The following SMU1 variants were observed in gnomAD, a reference collection of about 807,000 sequenced individuals.
SMU1 encodes the protein SMU1 DNA replication regulator and spliceosomal factor.
SMU1 carries 2 observed loss-of-function variants against 62.0 expected under a neutral mutation model. The ratio of observed to expected loss-of-function variants is 0.03; its 90% CI spans 0.01 to 0.10. The LOEUF is 0.10. SMU1 is among the 10% of genes least tolerant of loss of function. The pLI, the probability that SMU1 is intolerant of heterozygous loss-of-function variation, is 1.00. For synonymous variants in SMU1, 188 were observed against 212.4 expected, an observed-to-expected ratio of 0.89 and a Z score of 1.00; for missense variants, 227 against 622.1, an observed-to-expected ratio of 0.36 and a Z score of 6.76.
In SMU1 at chr9:33,068,872, G is replaced by C; in HGVS notation, c.453C>G (p.Gly151=). Reference sequence around the variant, plus strand: ...GAGATGGAGGCACCACACTGACTTCGCCAGCTAAGGCCTGGGCAATTGCTG... The same window carrying C: ...GAGATGGAGGCACCACACTGACTTCCCCAGCTAAGGCCTGGGCAATTGCTG... The part of the protein sequence containing the change: ...RRAAIAQALA[G]EVSVVPPSRL... Residue 151 remains glycine (G), a synonymous_variant, in exon 4 of 12, where the codon GGC becomes GGG. Transcript: ENST00000397149. 6.2e-7 allele frequency: 1 copy of C among 1,613,976 alleles called. No individual in the cohort carries two copies. The highest frequency in any genetic ancestry group is 8.5e-7 in the Non-Finnish European group (1 of 1,179,970).
At chr9:33,057,024 GC>G in intron 7 of SMU1, 60 bp from the exon 8 acceptor site, 1 of 1,550,654 alleles carries the variant, frequency 6.4e-7, no homozygotes, top group Non-Finnish European at 8.7e-7. Flanking sequence ...ACTATTAATA[GC>G]CCACAGAGCC....
Position 33,045,068 on chromosome 9 carries a change from G to A in SMU1, c.*2225C>T, listed in dbSNP as rs1219704416. On this transcript the variant is annotated 3_prime_UTR_variant, in exon 12 of 12. Transcript: ENST00000397149. The stretch of plus-strand genomic sequence containing the variant: ...TTTTTAACCATATTCATCACCTGGT[G>A]CCAGCAACAGAAGTGTTCCCTAAAA... 1.3e-5 allele frequency: 2 copies of A among 152,110 alleles called. No individual in the cohort carries two copies. Among genetic ancestry groups the A allele is most frequent in the Admixed American group, 6.5e-5 (1 of 15,274 alleles). The allele number at this position is 152,110 out of a possible 1,614,324, so 9.4% of individuals were successfully genotyped here.
intron 8 of SMU1, among the ~76,000 whole-genome samples, 187 bp downstream of exon 8, chr9:33,056,650 A>C (rs1839307203): frequency 6.6e-6 from 1 of 151,956 alleles, no homozygotes; most frequent in Admixed American, 6.6e-5. Context: ...CTGGGTAAAA[A>C]CTCAAATGAC....
intron 4 of SMU1, among the ~76,000 whole-genome samples, chr9:33,064,066 A>T (rs1452178696): frequency 6.6e-6 from 1 of 151,638 alleles, no homozygotes; most frequent in Non-Finnish European, 1.5e-5. Flanking sequence ...TGATAAAGGT[A>T]TTTGTTGTTT....
In SMU1 at chr9:33,045,057, C is replaced by G. The variant is rs907138600; in HGVS notation, c.*2236G>C. 5 of 152,156 alleles carry G rather than the reference C, an allele frequency of 3.3e-5. No homozygotes were observed. The highest frequency in any genetic ancestry group is 9.7e-5 in the African/African-American group (4 of 41,410). The allele number at this position is 152,156 out of a possible 1,614,324, so 9.4% of individuals were successfully genotyped here. On this transcript the variant is annotated 3_prime_UTR_variant, in exon 12 of 12. Transcript: ENST00000397149. ...AAACGAGTCTTTTTTTAACCATATT[C>G]ATCACCTGGTGCCAGCAACAGAAGT... is the stretch of plus-strand genomic sequence containing the variant.
chr9:33,070,008 C>A (rs571934832), intron 3 of SMU1, among the ~76,000 whole-genome samples: 1 of 151,862 alleles, frequency 6.6e-6, no homozygotes, highest in South Asian at 2.1e-4. Context: ...CACCAGTAAT[C>A]CCAGCTACTT....
intron 6 of SMU1, among the ~76,000 whole-genome samples, chr9:33,059,479 A>C (rs910562448): frequency 1.3e-5 from 2 of 151,206 alleles, no homozygotes; most frequent in Non-Finnish European, 3.0e-5. Flanking sequence ...AATCCCAGCT[A>C]CTCTGGAGGC....
At chr9:33,070,312 C>G (rs1452344683) in intron 3 of SMU1, among the ~76,000 whole-genome samples, 1 of 152,222 alleles carries the variant, frequency 6.6e-6, no homozygotes, top group East Asian at 1.9e-4. Context: ...TAGAGAAATG[C>G]AAATCAAACT....
intron 4 of SMU1, among the ~76,000 whole-genome samples, chr9:33,065,448 TAA>T (rs1159871073): frequency 6.6e-6 from 1 of 151,866 alleles, no homozygotes; most frequent in Non-Finnish European, 1.5e-5. Context: ...AATTAAGGAA[TAA>T]AAAAGATACA....
intron 1 of SMU1, among the ~76,000 whole-genome samples, chr9:33,074,510 T>C (rs1394827675): frequency 6.6e-6 from 1 of 151,944 alleles, no homozygotes; most frequent in Non-Finnish European, 1.5e-5. Flanking sequence ...CCTGGGAAGC[T>C]GGGGTGGGAG....
chr9:33,076,537 C>T lies in SMU1; in HGVS notation c.26+46G>A, dbSNP rs1337099231. ...GTACCCTCCGCCCCACACCCTTAAC[C>T]TCCAGGCCCCCGGCAAGGCGCGAAC... On this transcript the variant is annotated intron_variant, in intron 1 of 11. Coordinates refer to ENST00000397149, the MANE Select transcript of SMU1 (RefSeq NM_018225.3). 5 of 1,612,158 alleles carry T rather than the reference C, an allele frequency of 3.1e-6. No individual in the cohort carries two copies. The African/African-American group carries it at 4.0e-5, about 13-fold the overall frequency.
chr9:33,070,708 A>C (rs1449988670), intron 3 of SMU1, among the ~76,000 whole-genome samples: 2 of 152,246 alleles, frequency 1.3e-5, no homozygotes, highest in African/African-American at 4.8e-5. Flanking sequence ...TAAAAGAATG[A>C]AATCCTGTCA....
chr9:33,046,212 A>C lies in SMU1; in HGVS notation c.*1081T>G, dbSNP rs1587704730. ...TTCTTTGGAACAACAGCACATTTTC[A>C]ATGCCAAACCTTCTCCTACAACATA... On this transcript the variant is annotated 3_prime_UTR_variant, in exon 12 of 12. Coordinates refer to ENST00000397149, the MANE Select transcript of SMU1 (RefSeq NM_018225.3). The C allele has an allele frequency of 1.3e-5, 2 of 152,242 alleles. No individual in the cohort carries two copies. The highest frequency in any genetic ancestry group is 3.8e-4 in the East Asian group (2 of 5,202). The allele number at this position is 152,242 out of a possible 1,614,324, so 9.4% of individuals were successfully genotyped here. A position where few individuals can be genotyped will look rare whatever the true frequency, so the allele number is the denominator to read the frequency against.
At chr9:33,072,966 G>T (rs1839504416) in intron 2 of SMU1, among the ~76,000 whole-genome samples, 3 of 152,044 alleles carry the variant, frequency 2.0e-5, no homozygotes. Flanking sequence ...CTTTGTCCTA[G>T]GTTCTTGGCT....
chr9:33,073,312 G>A (rs933500868), intron 2 of SMU1, among the ~76,000 whole-genome samples: 2 of 151,970 alleles, frequency 1.3e-5, no homozygotes, highest in African/African-American at 4.8e-5. Context: ...GCAGGAGGAA[G>A]GATTGATCCT....
At chr9:33,067,297 C>CAAAAAAAAAAAAA (rs58105257) in intron 4 of SMU1, among the ~76,000 whole-genome samples, 1 of 52,746 alleles carries the variant, frequency 1.9e-5, no homozygotes, top group African/African-American at 1.0e-4. Context: ...TGCTAATGAC[C>CAAAAAAAAAAAAA]AAAAAAAAAA....
rs1021642235 is a variant in SMU1 at position 33,076,551 on chromosome 9, C to G, written c.26+32G>C. The G allele has an allele frequency of 1.9e-6, 3 of 1,613,172 alleles. No individual in the cohort carries two copies. In the African/African-American group the frequency reaches 4.0e-5, roughly 22 times the overall value. On this transcript the variant is annotated intron_variant, in intron 1 of 11. Transcript: ENST00000397149. ...ACACCCTTAACCTCCAGGCCCCCGG[C>G]AAGGCGCGAACATCCCCACCGCAGG...
rs775475727 is a variant in SMU1, at chr9:33,056,918, G to C, written c.914C>G (p.Ala305Gly). The change falls in exon 8 of 12, where the codon GCA (alanine) becomes GGA (glycine). Residue 305 changes from alanine to glycine, a missense_variant. Ala to Gly is a moderately conservative substitution (Grantham distance 60). Around this residue, in one of 5 missense-constraint regions of SMU1, gnomAD observed 98 missense variants for 195.9 expected, o/e 0.50. Transcript: ENST00000397149. ...TAGACAGGTGACACCCTTACTGTGT[G>C]CCCTCTCAAATCTCCTTAAACATTG... ...SGQCLRRFER[A>G]HSKGVTCLSF... The C allele has an allele frequency of 1.2e-6, 2 of 1,613,110 alleles. No homozygotes were observed. The highest frequency in any genetic ancestry group is 1.7e-6 in the Non-Finnish European group (2 of 1,179,620).
At chr9:33,068,551 C>A (rs561779085) in intron 4 of SMU1, among the ~76,000 whole-genome samples, 1 of 152,164 alleles carries the variant, frequency 6.6e-6, no homozygotes, top group South Asian at 2.1e-4. Context: ...CTCTGTTGCC[C>A]AAGCTGGAGT....
Sources: allele counts gnomAD v4.1 joint callset (sites outside exome capture counted in the v4.1 genomes callset), GRCh38; gene constraint gnomAD v4.1.1; regional missense constraint gnomAD v4.1.1; transcripts MANE v1.5; gene names NCBI Gene and HGNC (gene_info 2026-07-23, HGNC 2026-07-21).